LAMA5: variants seen among roughly 807,000 people sequenced by gnomAD.
The protein encoded by LAMA5 is laminin subunit alpha-5.
Under a neutral mutation model 433.4 loss-of-function variants are expected in LAMA5, and 260 were observed. The ratio of observed to expected loss-of-function variants is 0.60; its 90% CI spans 0.54 to 0.66. The LOEUF is 0.66. Among genes scored for constraint, LAMA5 ranks in the 30% least tolerant of loss-of-function variants. LAMA5 has a pLI of 0.00. For synonymous variants in LAMA5, 2,620 were observed against 2,226.6 expected, an observed-to-expected ratio of 1.18 and a Z score of -4.97; for missense variants, 5,378 against 5,258.5, an observed-to-expected ratio of 1.02 and a Z score of -0.70.
At chr20:62,336,972 C>T (rs1452075719) in intron 16 of LAMA5, 186 bp from the exon 17 acceptor site, 2 of 701,230 alleles carry the variant, frequency 2.9e-6, no homozygotes, top group Non-Finnish European at 5.2e-6. Flanking sequence ...GACGTGCCAT[C>T]CCACCACACA....
intron 6 of LAMA5, among the ~76,000 whole-genome samples, chr20:62,349,269 T>G (rs1601401210): frequency 1.0e-4 from 1 of 9,944 alleles, no homozygotes; most frequent in Non-Finnish European, 3.3e-4. Context: ...AGACTCCATC[T>G]CAAAAAAAAA....
intron 9 of LAMA5, 119 bp from the exon 10 acceptor site, chr20:62,346,334 C>A: frequency 7.0e-7 from 1 of 1,423,934 alleles, no homozygotes; most frequent in Non-Finnish European, 9.5e-7. Context: ...TACAGCCAGG[C>A]CCCCTGGGGG....
At chr20:62,345,566 C>T (rs1983231820) in intron 11 of LAMA5, 2 of 634,014 alleles carry the variant, frequency 3.2e-6, no homozygotes, top group South Asian at 3.1e-5. Context: ...ATCACTACAC[C>T]CAGCTAATTT....
At position 62,332,443 on chromosome 20, in the gene LAMA5, G is replaced by T; in HGVS notation, c.3481C>A (p.His1161Asn). The T allele has an allele frequency of 6.2e-7, 1 of 1,612,748 alleles. No homozygotes were observed. The highest frequency in any genetic ancestry group is 8.5e-7 in the Non-Finnish European group (1 of 1,179,944). The change falls in exon 28 of 80, where the codon CAC (histidine) becomes AAC (asparagine). Residue 1161 changes from histidine (H) to asparagine (N), a missense_variant. By Grantham distance (68) the His-to-Asn change is moderately conservative. Coordinates refer to ENST00000252999, the MANE Select transcript of LAMA5 (RefSeq NM_005560.6). The part of the protein sequence containing the change: ...CRGTARDTQD[H>N]LAVFHLDSEA... ...GAGTCCAGGTGGAAGACAGCCAGGT[G>T]GTCCTGGGTATCCCGGGCAGTGCCC...
At chr20:62,360,022 CCCG>C in intron 2 of LAMA5, among the ~76,000 whole-genome samples, 1 of 150,750 alleles carries the variant, frequency 6.6e-6, no homozygotes, top group South Asian at 2.1e-4. Flanking sequence ...CCCGGACCCA[CCCG>C]CCGCTCAGCC....
rs751416531 is a variant in LAMA5 at position 62,328,358 on chromosome 20, C to T, written c.4535G>A (p.Cys1512Tyr). Reference sequence around the variant, plus strand: ...GTGGCAGCCAAAGGTCTGGGGCTGGCACAGCAGGCAGTCGGGCGGGATGGT... The same window carrying T: ...GTGGCAGCCAAAGGTCTGGGGCTGGTACAGCAGGCAGTCGGGCGGGATGGT... ...PRTIPPDCLL[C>Y]QPQTFGCHPL... Residue 1512 changes from cysteine to tyrosine, a missense_variant, in exon 35 of 80, where the codon TGC becomes TAC. Cys to Tyr is a radical substitution (Grantham distance 194). Coordinates refer to ENST00000252999, the MANE Select transcript of LAMA5 (RefSeq NM_005560.6). 4 of 1,591,500 alleles carry T rather than the reference C, an allele frequency of 2.5e-6. No individual in the cohort carries two copies. In the Admixed American group the frequency reaches 7.1e-5, roughly 28 times the overall value.
At chr20:62,309,654 A>AGGGGGTGGGG (rs1985975823) in intron 79 of LAMA5, 62 bp downstream of exon 79, 1 of 294,108 alleles carries the variant, frequency 3.4e-6, no homozygotes, top group African/African-American at 9.6e-5. Flanking sequence ...GGAGGGTGGT[A>AGGGGGTGGGG]GGTTACGCAG....
In LAMA5 at chr20:62,337,924, G is replaced by A. The variant is rs1981957226; in HGVS notation, c.1906C>T (p.Pro636Ser). 1 of 1,610,064 alleles carries A rather than the reference G, an allele frequency of 6.2e-7. No individual in the cohort carries two copies. Among genetic ancestry groups the A allele is most frequent in the Non-Finnish European group, 8.5e-7 (1 of 1,178,678 alleles). Residue 636 changes from proline to serine, a missense_variant, in exon 15 of 80, where the codon CCT becomes TCT. Pro to Ser is a moderately conservative substitution (Grantham distance 74). Transcript: ENST00000252999. ...CAGAGCTGGTCCAGGGCTCCCCGAG[G>A]GTCGCAGGTGCATGCTGCAGAGGGA... is the stretch of plus-strand genomic sequence containing the variant. ...FPNCQACTCDPRGALDQLCGA... is the reference protein window; with the variant it reads ...FPNCQACTCDSRGALDQLCGA...
Position 62,310,079 on chromosome 20 carries a change from G to T in LAMA5, c.10737C>A (p.Val3579=), listed in dbSNP as rs1202197187. 2 of 1,611,310 alleles carry T rather than the reference G, an allele frequency of 1.2e-6. No homozygotes were observed. The highest frequency in any genetic ancestry group is 4.5e-5 in the East Asian group (2 of 44,868). The change falls in exon 78 of 80, where the codon GTC becomes GTA. Residue 3579 remains valine (V), a splice_region_variant and synonymous_variant. Transcript: ENST00000252999. ...CTGCTCCGTCATCCGCCCGCAGCAG[G>T]ACCTGGCGGGGTAGGAAGGGAGGGT... ...YLQLQVTEKQ[V]LLRADDGAGE...
At chr20:62,336,709 C>T (rs1253017533) in intron 17 of LAMA5, 25 bp downstream of exon 17, 3 of 1,612,648 alleles carry the variant, frequency 1.9e-6, no homozygotes, top group African/African-American at 2.7e-5. Context: ...ACCCATCTCC[C>T]ACACACGAGC....
intron 31 of LAMA5, 24 bp downstream of exon 31, chr20:62,330,464 C>T: frequency 6.6e-7 from 1 of 1,517,714 alleles, no homozygotes; most frequent in East Asian, 2.4e-5. Context: ...GGTAGCCTCT[C>T]CACCCCCCAC....
intron 44 of LAMA5, 39 bp from the exon 45 acceptor site, chr20:62,323,709 G>A: frequency 1.9e-6 from 3 of 1,592,794 alleles, no homozygotes; most frequent in Non-Finnish European, 2.6e-6. Flanking sequence ...GTGGCCCGTG[G>A]CGCCCACCCT....
In LAMA5 at chr20:62,320,865, G is replaced by C. The variant is rs558560483; in HGVS notation, c.6522C>G (p.Leu2174=). The change falls in exon 49 of 80, where the codon CTC becomes CTG. Residue 2174 remains leucine (L), a synonymous_variant. Coordinates refer to ENST00000252999, the MANE Select transcript of LAMA5 (RefSeq NM_005560.6). ...CGCCGGCCCGTTCCAGGTCATCCAG[G>C]AGCAGGACCACACAGTGGTCACACA... ...CEVCDHCVVL[L]LDDLERAGAL... is the part of the protein sequence containing the mutation. 11 of 1,611,866 alleles carry C rather than the reference G, an allele frequency of 6.8e-6. No homozygotes were observed. The East Asian group carries it at 2.5e-4, about 36-fold the overall frequency.
At chr20:62,343,238 A>AC (rs1177962504) in intron 11 of LAMA5, among the ~76,000 whole-genome samples, 1 of 152,102 alleles carries the variant, frequency 6.6e-6, no homozygotes, top group Non-Finnish European at 1.5e-5. Context: ...CAGTTTGTTG[A>AC]CCCCTGGTTT....
chr20:62,315,024 G>A lies in LAMA5; in HGVS notation c.8047+4C>T, dbSNP rs201545552. On this transcript the variant is annotated splice_donor_region_variant and intron_variant, in intron 59 of 79. Coordinates refer to ENST00000252999, the MANE Select transcript of LAMA5 (RefSeq NM_005560.6). ...CAGGGGCACCGCGAGGGCCATGGGC[G>A]CACCTGAGTGGCCTGCGTCAAGCAC... 1.3e-4 allele frequency: 202 copies of A among 1,586,848 alleles called. No homozygotes were observed. The Middle Eastern group carries it at 1.7e-3, about 13-fold the overall frequency.
rs145203663 is a variant in LAMA5, at chr20:62,319,707, C to T, written c.6848G>A (p.Arg2283Gln). 148 of 1,545,462 alleles carry T rather than the reference C, an allele frequency of 9.6e-5. No homozygotes were observed. Among genetic ancestry groups the T allele is most frequent in the African/African-American group, 2.5e-4 (18 of 73,206 alleles). Residue 2283 changes from arginine to glutamine, a missense_variant, in exon 51 of 80, where the codon CGG becomes CAG. Coordinates refer to ENST00000252999, the MANE Select transcript of LAMA5 (RefSeq NM_005560.6). ...ACCGCTCAGGGTGCGGTCCACAGCCCGGATGGCCGCCAACAGCGTCTTCGC... is the reference window on the plus strand; with the variant it reads ...ACCGCTCAGGGTGCGGTCCACAGCCTGGATGGCCGCCAACAGCGTCTTCGC... ...GHAKTLLAAI[R>Q]AVDRTLSELM...
chr20:62,354,858 A>G (rs905024989), intron 2 of LAMA5, among the ~76,000 whole-genome samples: 7 of 152,060 alleles, frequency 4.6e-5, no homozygotes, highest in Admixed American at 4.6e-4. Context: ...AGCCCCTCTC[A>G]AACAAAGGGG....
Position 62,309,452 on chromosome 20 carries a change from G to A in LAMA5, c.10972C>T (p.Pro3658Ser), listed in dbSNP as rs766366442. Residue 3658 changes from proline to serine, a missense_variant, in exon 80 of 80, where the codon CCC becomes TCC. Coordinates refer to ENST00000252999, the MANE Select transcript of LAMA5 (RefSeq NM_005560.6). ...LPEPMAVQPWPPAYCGCMRRL... is the reference protein window; with the variant it reads ...LPEPMAVQPWSPAYCGCMRRL... ...CTCATGCAGCCGCAGTAGGCGGGGGGCCAGGGCTGCACGGCCATGGGCTCT... is the reference window on the plus strand; with the variant it reads ...CTCATGCAGCCGCAGTAGGCGGGGGACCAGGGCTGCACGGCCATGGGCTCT... 28 of 1,583,290 alleles carry A rather than the reference G, an allele frequency of 1.8e-5. No individual in the cohort carries two copies. In the African/African-American group the frequency reaches 3.3e-4, roughly 19 times the overall value.
Position 62,310,708 on chromosome 20 carries a change from AAG to A in LAMA5, c.10401_10402del (p.Phe3468CysfsTer74). On this transcript the variant is annotated frameshift_variant, in exon 75 of 80. Coordinates refer to ENST00000252999, the MANE Select transcript of LAMA5 (RefSeq NM_005560.6). LOFTEE classifies it high-confidence loss of function. ...GCTGCTGGCCGGGAGGCCGCCCACAAAGAGGGTGTGGGGCTGGGGGTGCTCTG... is the reference window on the plus strand; with the variant it reads ...GCTGCTGGCCGGGAGGCCGCCCACAAAGGGTGTGGGGCTGGGGGTGCTCTG... 1.2e-6 allele frequency: 2 copies of A among 1,600,848 alleles called. No individual in the cohort carries two copies. The highest frequency in any genetic ancestry group is 1.7e-6 in the Non-Finnish European group (2 of 1,177,002).
Sources: gnomAD v4.1 joint callset for allele counts (sites outside exome capture counted in the v4.1 genomes callset) on GRCh38, gnomAD v4.1.1 for gene constraint, MANE v1.5 for transcripts, NCBI Gene and HGNC (gene_info 2026-07-23, HGNC 2026-07-21) for gene names.